Variants in IMMP2L observed in about 807,000 individuals in gnomAD.
IMMP2L encodes the protein mitochondrial inner membrane protease subunit 2.
In IMMP2L, 18 loss-of-function variants were observed where a neutral mutation model predicts 19.3. The ratio of observed to expected loss-of-function variants is 0.93; its 90% CI spans 0.64 to 1.38. The LOEUF (loss-of-function observed/expected upper bound fraction) is 1.38, where lower values mean the gene tolerates loss of function less well. Among genes scored for constraint, IMMP2L ranks in the 40% most tolerant of loss-of-function variants. IMMP2L has a pLI of 0.00. For synonymous variants in IMMP2L, 76 were observed against 73.0 expected (o/e 1.04, Z -0.21); for missense variants, 233 against 218.2 (o/e 1.07, Z -0.43).
chr7:110,788,673 A>C (rs1002615347), intron 5 of IMMP2L, among the ~76,000 whole-genome samples: 2 of 151,678 alleles, frequency 1.3e-5, no homozygotes, highest in African/African-American at 4.9e-5. Context: ...TCACAAATAC[A>C]ACAATGCCAA....
chr7:111,224,789 C>T (rs978007731), intron 3 of IMMP2L, among the ~76,000 whole-genome samples: 1 of 152,072 alleles, frequency 6.6e-6, no homozygotes, highest in African/African-American at 2.4e-5. Context: ...CTGCTAGCAG[C>T]TTAGCATAAA....
chr7:110,789,291 T>TG (rs1800302270), intron 5 of IMMP2L, among the ~76,000 whole-genome samples: 1 of 151,792 alleles, frequency 6.6e-6, no homozygotes, highest in African/African-American at 2.4e-5. Context: ...TAAAATAACA[T>TG]GGCTGTTTTA....
At chr7:111,336,208 G>C (rs12705761) in intron 3 of IMMP2L, among the ~76,000 whole-genome samples, 55,136 of 149,468 alleles carry the variant, frequency 0.37, 10,888 homozygotes, top group East Asian at 0.63. Flanking sequence ...CGCCAGGCCG[G>C]CTATTTTTTT....
chr7:111,319,889 C>T lies in IMMP2L; in HGVS notation c.239+167349G>A, dbSNP rs146814768. On this transcript the variant is annotated intron_variant, in intron 3 of 5. Coordinates refer to ENST00000405709, the MANE Select transcript of IMMP2L (RefSeq NM_032549.4). ...TCGGCTGCCACATTCCATGGGAGGT[C>T]GTAACAATGACTTTATATAAAAATT... 6.3e-4 allele frequency among the ~76,000 whole-genome samples: 96 copies of T among 151,870 alleles called. 1 individual carries two copies. The highest frequency in any genetic ancestry group is 2.1e-3 in the African/African-American group (87 of 41,422).
chr7:110,916,038 G>T (rs971374219), intron 4 of IMMP2L, among the ~76,000 whole-genome samples: 1 of 152,096 alleles, frequency 6.6e-6, no homozygotes, highest in Non-Finnish European at 1.5e-5. Flanking sequence ...TTATTAAAAG[G>T]CTCACGTCAC....
intron 3 of IMMP2L, among the ~76,000 whole-genome samples, chr7:111,409,918 G>A (rs1018311047): frequency 6.6e-6 from 1 of 151,750 alleles, no homozygotes; most frequent in African/African-American, 2.4e-5. Context: ...TAGATGCAAA[G>A]TCCAAACTGT....
intron 5 of IMMP2L, among the ~76,000 whole-genome samples, chr7:110,719,723 T>G (rs1795452703): frequency 6.6e-6 from 1 of 152,220 alleles, no homozygotes; most frequent in South Asian, 2.1e-4. Flanking sequence ...GACCTTGCTC[T>G]GTGATCTTCG....
chr7:110,894,621 A>G (rs1163905386), intron 4 of IMMP2L, among the ~76,000 whole-genome samples: 1 of 152,176 alleles, frequency 6.6e-6, no homozygotes, highest in Non-Finnish European at 1.5e-5. Context: ...ATTTTGTATT[A>G]GATATGTTTT....
intron 3 of IMMP2L, among the ~76,000 whole-genome samples, chr7:111,068,114 AGTATAT>A (rs751138434): frequency 2.0e-5 from 3 of 152,202 alleles, no homozygotes; most frequent in Non-Finnish European, 2.9e-5. Flanking sequence ...GGTAAAGAAG[AGTATAT>A]GTATATGTGT....
Position 111,392,994 on chromosome 7 carries a change from C to T in IMMP2L, c.239+94244G>A, listed in dbSNP as rs2131344501. 3 of 372,570 alleles carry T rather than the reference C, an allele frequency of 8.1e-6. No homozygotes were observed. In the East Asian group the frequency reaches 2.2e-4, roughly 27 times the overall value. 23.1% of individuals were successfully genotyped at this position (372,570 alleles called of 1,614,324 possible). On this transcript the variant is annotated intron_variant, in intron 3 of 5. Transcript: ENST00000405709. ...AAGCATTTAGGGGTTTTTGTGGAGG[C>T]TGCATTACATAAGCGTTATTCATTA...
In IMMP2L at chr7:110,841,521, A is replaced by C. The variant is rs186829491; in HGVS notation, c.408+45072T>G. On this transcript the variant is annotated intron_variant, in intron 5 of 5. Transcript: ENST00000405709. ...ATCTAGAATCATTTAGTTTAATTAG[A>C]GTTTAACAAATATTCCCACATGAAT... is the stretch of plus-strand genomic sequence containing the variant. Among the ~76,000 whole-genome samples the C allele has an allele frequency of 1.4e-3, 213 of 152,218 alleles. 2 individuals carry two copies. Among genetic ancestry groups the C allele is most frequent in the African/African-American group, 5.0e-3 (206 of 41,558 alleles).
In IMMP2L at chr7:110,870,499, G is replaced by T. The variant is rs1456867291; in HGVS notation, c.408+16094C>A. ...TTGGAGGAGATAAAAATATAAACAT[G>T]AATAAAGAAATAAAACAAGATAGTC... On this transcript the variant is annotated intron_variant, in intron 5 of 5. Coordinates refer to ENST00000405709, the MANE Select transcript of IMMP2L (RefSeq NM_032549.4). This position sits in a 1 kb window ranked among gnomAD's most constrained non-coding sequence, Gnocchi z 4.2. 6.6e-6 allele frequency among the ~76,000 whole-genome samples: 1 copy of T among 152,054 alleles called. No homozygotes were observed. The highest frequency in any genetic ancestry group is 1.5e-5 in the Non-Finnish European group (1 of 67,994).
Position 111,041,857 on chromosome 7 carries a change from T to C in IMMP2L, c.240-78292A>G, listed in dbSNP as rs576816263. ...TCTAGTGTAGTTAGTGTCAAGAGCA[T>C]AGGCTCTGAAGATAGAATGCCTCAG... On this transcript the variant is annotated intron_variant, in intron 3 of 5. Transcript: ENST00000405709. 4.1e-4 allele frequency among the ~76,000 whole-genome samples: 62 copies of C among 152,328 alleles called. 1 individual carries two copies. In the South Asian group the frequency reaches 6.6e-3, roughly 16 times the overall value.
At chr7:110,882,445 A>C (rs1347190092) in intron 5 of IMMP2L, among the ~76,000 whole-genome samples, 1 of 150,780 alleles carries the variant, frequency 6.6e-6, no homozygotes, top group Non-Finnish European at 1.5e-5. Context: ...CAATGGTGCA[A>C]TCTCAGCTCA....
At chr7:111,184,804 A>T (rs1172067948) in intron 3 of IMMP2L, among the ~76,000 whole-genome samples, 1 of 152,114 alleles carries the variant, frequency 6.6e-6, no homozygotes, top group East Asian at 1.9e-4. Context: ...TTCAGAAGGC[A>T]TAAAATCTGA....
At chr7:111,036,097 T>C (rs1185361118) in intron 3 of IMMP2L, among the ~76,000 whole-genome samples, 2 of 152,206 alleles carry the variant, frequency 1.3e-5, no homozygotes, top group Non-Finnish European at 2.9e-5. Flanking sequence ...ATTCCTTCTT[T>C]GCTACCAAAC....
chr7:111,042,287 C>A (rs1382300864), intron 3 of IMMP2L, among the ~76,000 whole-genome samples: 1 of 152,124 alleles, frequency 6.6e-6, no homozygotes, highest in Non-Finnish European at 1.5e-5. Context: ...TCCAGTGATT[C>A]TCTTGCCTCA....
rs1169026426 is a variant in IMMP2L at position 110,924,421 on chromosome 7, C to T, written c.306-37726G>A. ...CGGAGTCCTGCAATGACATACCAGA[C>T]TCATTAAAGGGGCCCCATCCTTCTG... On this transcript the variant is annotated intron_variant, in intron 4 of 5. Coordinates refer to ENST00000405709, the MANE Select transcript of IMMP2L (RefSeq NM_032549.4). The surrounding 1 kb of genome is among the most constrained non-coding windows in gnomAD (Gnocchi z 4.2). 6.6e-6 allele frequency among the ~76,000 whole-genome samples: 1 copy of T among 152,102 alleles called. No homozygotes were observed. The highest frequency in any genetic ancestry group is 1.5e-5 in the Non-Finnish European group (1 of 68,012).
chr7:111,254,507 G>C, intron 3 of IMMP2L, among the ~76,000 whole-genome samples: 1 of 151,966 alleles, frequency 6.6e-6, no homozygotes, highest in South Asian at 2.1e-4. Context: ...ACCTAATATT[G>C]TACTCAAAGT....
Sources: gnomAD v4.1 joint callset for allele counts (sites outside exome capture counted in the v4.1 genomes callset) on GRCh38, gnomAD v4.1.1 for gene constraint, Gnocchi (gnomAD v3.1) non-coding constraint, MANE v1.5 for transcripts, NCBI Gene and HGNC (gene_info 2026-07-23, HGNC 2026-07-21) for gene names.